Variants in OPA3 observed in about 807,000 individuals in gnomAD.
OPA3 encodes the protein outer mitochondrial membrane lipid metabolism regulator OPA3.
OPA3 carries 6 observed loss-of-function variants against 4.0 expected under a neutral mutation model. That is an observed-to-expected ratio of 1.51 (90% CI 0.83 to 2.99). OPA3 has a LOEUF of 2.99. OPA3 is among the 30% of genes most tolerant of loss of function. The pLI is 0.00. For synonymous variants in OPA3, 105 were observed against 117.1 expected, an observed-to-expected ratio of 0.90 and a Z score of 0.67; for missense variants, 235 against 256.2, an observed-to-expected ratio of 0.92 and a Z score of 0.56.
At position 45,550,213 on chromosome 19, in the gene OPA3, TTTC is replaced by T; in HGVS notation, c.*3298_*3300del. The T allele has an allele frequency of 1.0e-6, 1 of 985,332 alleles. No individual in the cohort carries two copies. Among genetic ancestry groups the T allele is most frequent in the South Asian group, 4.7e-5 (1 of 21,276 alleles). 61.0% of individuals were successfully genotyped at this position (985,332 alleles called of 1,614,324 possible). Reference sequence around the variant, plus strand: ...AAGAAAAGAAAAGTTTCAGAACCTGTTTCTTGGCTTTCTATCTGGGCAGATCTT... The same window carrying T: ...AAGAAAAGAAAAGTTTCAGAACCTGTTTGGCTTTCTATCTGGGCAGATCTT... On this transcript the variant is annotated 3_prime_UTR_variant, in exon 2 of 2. Coordinates refer to ENST00000263275, the MANE Select transcript of OPA3 (RefSeq NM_025136.4).
intron 1 of OPA3, among the ~76,000 whole-genome samples, chr19:45,576,534 A>C: frequency 3.7e-5 from 2 of 54,332 alleles, no homozygotes; most frequent in Admixed American, 2.1e-4. Context: ...ATGAAACTCC[A>C]TCCCCCCCCC....
Position 45,539,951 on chromosome 19 carries a change from T to C in OPA3, c.143-10495A>G, listed in dbSNP as rs1969165108. Reference sequence around the variant, plus strand: ...GATCTTTTGGAGATGATGGAAATGTTCTGAAATTGGAATGTGGAGATGGTT... The same window carrying C: ...GATCTTTTGGAGATGATGGAAATGTCCTGAAATTGGAATGTGGAGATGGTT... On this transcript the variant is annotated intron_variant, in intron 1 of 1. Transcript: ENST00000323060. Among the ~76,000 whole-genome samples the C allele has an allele frequency of 2.0e-5, 3 of 152,248 alleles. No individual in the cohort carries two copies. In the South Asian group the frequency reaches 6.2e-4, roughly 32 times the overall value.
intron 1 of OPA3, among the ~76,000 whole-genome samples, chr19:45,532,552 C>G (rs916364824): frequency 6.6e-6 from 1 of 152,090 alleles, no homozygotes; most frequent in Non-Finnish European, 1.5e-5. Flanking sequence ...GGAACGCCAC[C>G]CTGCACTGAT....
intron 1 of OPA3, among the ~76,000 whole-genome samples, chr19:45,574,512 G>C (rs964302843): frequency 1.3e-5 from 2 of 152,072 alleles, no homozygotes; most frequent in Non-Finnish European, 2.9e-5. Flanking sequence ...CTATCCTGCT[G>C]CATCCTCACA....
rs377645867 is a variant in OPA3 at position 45,547,827 on chromosome 19, G to A, written c.*5687C>T. On this transcript the variant is annotated 3_prime_UTR_variant, in exon 2 of 2. Transcript: ENST00000263275. Reference sequence around the variant, plus strand: ...ATTCTCCTGCCACAGCCTCCTGAGTGGCTGGGATTACAGGCATGCACCACC... The same window carrying A: ...ATTCTCCTGCCACAGCCTCCTGAGTAGCTGGGATTACAGGCATGCACCACC... 14 of 152,590 alleles carry A rather than the reference G, an allele frequency of 9.2e-5. No homozygotes were observed. The East Asian group carries it at 9.7e-4, about 11-fold the overall frequency. 9.5% of individuals were successfully genotyped at this position (152,590 alleles called of 1,614,324 possible).
In OPA3 at chr19:45,550,682, C is replaced by T. The variant is rs1969319263; in HGVS notation, c.*2832G>A. The T allele has an allele frequency of 1.0e-6, 1 of 985,890 alleles. No individual in the cohort carries two copies. The highest frequency in any genetic ancestry group is 6.1e-5 in the Admixed American group (1 of 16,262). The allele number at this position is 985,890 out of a possible 1,614,324, so 61.1% of individuals were successfully genotyped here. On this transcript the variant is annotated 3_prime_UTR_variant, in exon 2 of 2. Transcript: ENST00000263275. The stretch of plus-strand genomic sequence containing the variant: ...GGGTGACTCTTGGGCCTCTCCCCAT[C>T]AGAACCCTCCCAGTTTCCCTCCTGA...
At chr19:45,535,765 T>TTC (rs200444227) in intron 1 of OPA3, among the ~76,000 whole-genome samples, 16 of 139,216 alleles carry the variant, frequency 1.1e-4, no homozygotes, top group East Asian at 1.0e-3. Flanking sequence ...TTCTTTTCTT[T>TTC]TTTTTTTTTT....
chr19:45,561,654 A>G (rs1969504737), intron 1 of OPA3, among the ~76,000 whole-genome samples: 1 of 152,140 alleles, frequency 6.6e-6, no homozygotes. Flanking sequence ...CTTTCATACA[A>G]GGAAGTTGGC....
intron 1 of OPA3, among the ~76,000 whole-genome samples, chr19:45,573,415 C>T (rs928974624): frequency 4.6e-5 from 7 of 152,122 alleles, no homozygotes; most frequent in African/African-American, 1.7e-4. Context: ...CACGCCACTG[C>T]ACTCCGGCCT....
rs201864058 is a variant in OPA3, at chr19:45,584,776, C to T, written c.-12G>A. 3.6e-4 allele frequency: 575 copies of T among 1,613,348 alleles called. 7 individuals are homozygous for T. The South Asian group carries it at 4.4e-3, about 12-fold the overall frequency. The stretch of plus-strand genomic sequence containing the variant: ...GCGCCCACCACCATCTTGGCGGTCT[C>T]ACAGGGCACGCGCAACCTTGCTGAC... On this transcript the variant is annotated 5_prime_UTR_variant, in exon 1 of 2. Transcript: ENST00000263275.
rs1203359780 is a variant in OPA3 at position 45,547,489 on chromosome 19, C to G, written c.*6025G>C. 6.6e-6 allele frequency: 1 copy of G among 152,342 alleles called. No individual in the cohort carries two copies. The highest frequency in any genetic ancestry group is 2.4e-5 in the African/African-American group (1 of 41,460). The allele number at this position is 152,342 out of a possible 1,614,324, so 9.4% of individuals were successfully genotyped here. A position where few individuals can be genotyped will look rare whatever the true frequency, so the allele number is the denominator to read the frequency against. On this transcript the variant is annotated 3_prime_UTR_variant, in exon 2 of 2. Transcript: ENST00000263275. ...TCAGCGAGCCTCTGCTCTATTCTGA[C>G]AGCCAGAAACTCTTGCTGTTCCAGG...
chr19:45,550,481 C>T lies in OPA3; in HGVS notation c.*3033G>A. On this transcript the variant is annotated 3_prime_UTR_variant, in exon 2 of 2. Transcript: ENST00000263275. Reference sequence around the variant, plus strand: ...CTGGGCCTCTGTGTAGAGATCGTCACCCTCCCAGCCTCTGCTCAGCCATCG... The same window carrying T: ...CTGGGCCTCTGTGTAGAGATCGTCATCCTCCCAGCCTCTGCTCAGCCATCG... 1 of 983,678 alleles carries T rather than the reference C, an allele frequency of 1.0e-6. No individual in the cohort carries two copies. The highest frequency in any genetic ancestry group is 1.2e-4 in the East Asian group (1 of 8,626). The allele number at this position is 983,678 out of a possible 1,614,324, so 60.9% of individuals were successfully genotyped here.
Position 45,553,483 on chromosome 19 carries a change from T to G in OPA3, c.*31A>C, listed in dbSNP as rs775509581. ...AAGGCCACGTTAGGTACATAGGCCA[T>G]GTCCAAATTCAGGTTCCATCCAGCA... On this transcript the variant is annotated 3_prime_UTR_variant, in exon 2 of 2. Coordinates refer to ENST00000263275, the MANE Select transcript of OPA3 (RefSeq NM_025136.4). The G allele has an allele frequency of 6.8e-6, 11 of 1,611,558 alleles. No individual in the cohort carries two copies. The South Asian group carries it at 9.9e-5, about 14-fold the overall frequency.
rs574749910 is a variant in OPA3, at chr19:45,582,640, A to C, written c.142+1983T>G. Reference sequence around the variant, plus strand: ...CAGAGATGAAATCACAGGGAGTCGGAGCTGTCTTCTTGCGCTCAGTCAGTT... The same window carrying C: ...CAGAGATGAAATCACAGGGAGTCGGCGCTGTCTTCTTGCGCTCAGTCAGTT... On this transcript the variant is annotated intron_variant, in intron 1 of 1. Transcript: ENST00000263275. Among the ~76,000 whole-genome samples the C allele has an allele frequency of 2.6e-5, 4 of 151,990 alleles. No homozygotes were observed. In the South Asian group the frequency reaches 8.3e-4, roughly 32 times the overall value.
At chr19:45,540,887 G>T (rs1417268363) in intron 1 of OPA3, among the ~76,000 whole-genome samples, 1 of 152,172 alleles carries the variant, frequency 6.6e-6, no homozygotes, top group East Asian at 1.9e-4. Flanking sequence ...TGAATCATAG[G>T]CAGGATGGGT....
In OPA3 at chr19:45,548,835, G is replaced by A. The variant is rs915794298; in HGVS notation, c.*4679C>T. On this transcript the variant is annotated 3_prime_UTR_variant, in exon 2 of 2. Coordinates refer to ENST00000263275, the MANE Select transcript of OPA3 (RefSeq NM_025136.4). ...TTTATTTATTTAGAGATGAAGTCTCGCTCTGTCACCCAGGCTGGAGTATAA... is the reference window on the plus strand; with the variant it reads ...TTTATTTATTTAGAGATGAAGTCTCACTCTGTCACCCAGGCTGGAGTATAA... 69 of 681,258 alleles carry A rather than the reference G, an allele frequency of 1.0e-4. No homozygotes were observed. In the Admixed American group the frequency reaches 1.8e-3, roughly 18 times the overall value. The allele number at this position is 681,258 out of a possible 1,614,324, so 42.2% of individuals were successfully genotyped here.
At chr19:45,545,516 G>C (rs1206996920), downstream of OPA3, among the ~76,000 whole-genome samples, 1 of 151,756 alleles carries the variant, frequency 6.6e-6, no homozygotes, top group Non-Finnish European at 1.5e-5. Flanking sequence ...GGGTGACAGA[G>C]CAAGACCCTG....
downstream of OPA3, among the ~76,000 whole-genome samples, chr19:45,541,728 C>A (rs1156466228): frequency 6.6e-6 from 1 of 152,002 alleles, no homozygotes; most frequent in Non-Finnish European, 1.5e-5. Flanking sequence ...CCACACCTGG[C>A]GCATTTTAAA....
At chr19:45,567,643 T>C (rs971964913) in intron 1 of OPA3, among the ~76,000 whole-genome samples, 1 of 152,262 alleles carries the variant, frequency 6.6e-6, no homozygotes, top group African/African-American at 2.4e-5. Flanking sequence ...GTACCTTGCA[T>C]TGTACAGATA....
Sources: gnomAD v4.1 joint callset for allele counts (sites outside exome capture counted in the v4.1 genomes callset) on GRCh38, gnomAD v4.1.1 for gene constraint, MANE v1.5 for transcripts, NCBI Gene and HGNC (gene_info 2026-07-23, HGNC 2026-07-21) for gene names.